RARB: variants seen among roughly 807,000 people sequenced by gnomAD.
RARB encodes the protein retinoic acid receptor beta.
A neutral mutation model predicts 51.9 loss-of-function variants in RARB; 17 were observed. The ratio of observed to expected loss-of-function variants is 0.33; its 90% confidence interval spans 0.22 to 0.49. RARB has a LOEUF of 0.49. Ranked by LOEUF, RARB falls within the 20% of genes least tolerant of loss-of-function variation. The pLI is 0.99. For synonymous variants in RARB, 215 were observed against 195.4 expected (o/e 1.10, Z -0.84); for missense variants, 369 against 550.8 (o/e 0.67, Z 3.30).
intron 5 of RARB, among the ~76,000 whole-genome samples, chr3:25,181,550 G>T (rs990194741): frequency 6.6e-6 from 1 of 152,154 alleles, no homozygotes; most frequent in African/African-American, 2.4e-5. Flanking sequence ...TTAATGTCCT[G>T]CAATGTATGC....
At chr3:25,276,394 A>G (rs938055504) in intron 5 of RARB, among the ~76,000 whole-genome samples, 1 of 152,208 alleles carries the variant, frequency 6.6e-6, no homozygotes, top group Non-Finnish European at 1.5e-5. Flanking sequence ...TTGAAGCATC[A>G]CACGATACTC....
intron 5 of RARB, among the ~76,000 whole-genome samples, chr3:25,400,573 A>G (rs1707237777): frequency 6.6e-6 from 1 of 152,214 alleles, no homozygotes; most frequent in Admixed American, 6.5e-5. Context: ...TTTAAAATAA[A>G]CAAAGAAGAG....
chr3:25,109,171 G>A (rs2125324596), intron 3 of RARB, among the ~76,000 whole-genome samples: 1 of 152,254 alleles, frequency 6.6e-6, no homozygotes, highest in East Asian at 1.9e-4. Flanking sequence ...AAATGGGTAG[G>A]TATAGTTACC....
chr3:25,162,678 T>C lies in RARB; in HGVS notation c.-279-11441T>C, dbSNP rs987691132. ...TTCATATAAATGGAATCGTATAATA[T>C]GTGGCCTTTTATGTCTGGGTTCTTT... On this transcript the variant is annotated intron_variant, in intron 4 of 11. Transcript: ENST00000383772. Among the ~76,000 whole-genome samples the C allele has an allele frequency of 2.6e-5, 4 of 152,246 alleles. No homozygotes were observed. The South Asian group carries it at 8.3e-4, about 32-fold the overall frequency.
chr3:25,255,038 A>C (rs2125403901), intron 5 of RARB, among the ~76,000 whole-genome samples: 1 of 152,256 alleles, frequency 6.6e-6, no homozygotes, highest in East Asian at 1.9e-4. Context: ...TGTCTAAACT[A>C]GGGGCTGCTC....
chr3:25,309,272 C>G (rs1241458089), intron 5 of RARB, among the ~76,000 whole-genome samples: 1 of 149,638 alleles, frequency 6.7e-6, no homozygotes, highest in Non-Finnish European at 1.5e-5. Context: ...TCAACTGAGA[C>G]TACAGGCACC....
At chr3:25,279,460 A>C (rs1326308298) in intron 5 of RARB, among the ~76,000 whole-genome samples, 1 of 152,186 alleles carries the variant, frequency 6.6e-6, no homozygotes, top group Admixed American at 6.6e-5. Context: ...CTAGGAGTTC[A>C]GATGCTTCTA....
chr3:24,890,435 C>T (rs1346451418), intron 2 of RARB, among the ~76,000 whole-genome samples: 5 of 152,148 alleles, frequency 3.3e-5, no homozygotes, highest in East Asian at 1.9e-4. Context: ...ACTTATTTCA[C>T]GAGCGGCACC....
intron 2 of RARB, among the ~76,000 whole-genome samples, chr3:25,035,097 C>T (rs1697958560): frequency 6.6e-6 from 1 of 152,130 alleles, no homozygotes; most frequent in Non-Finnish European, 1.5e-5. Context: ...TAACCCTTAT[C>T]ACATGTCAGG....
chr3:25,326,709 T>C (rs76158621), intron 5 of RARB, among the ~76,000 whole-genome samples: 5,999 of 152,194 alleles, frequency 0.039, 164 homozygotes, highest in Middle Eastern at 0.065. Flanking sequence ...TCCTGAAACA[T>C]TGGTACAATG....
intron 3 of RARB, among the ~76,000 whole-genome samples, chr3:25,545,102 C>T (rs1699565222): frequency 6.6e-6 from 1 of 152,016 alleles, no homozygotes; most frequent in African/African-American, 2.4e-5. Context: ...GCCACCACAC[C>T]CAGCTAATGT....
intron 3 of RARB, among the ~76,000 whole-genome samples, chr3:25,554,808 G>C (rs895850598): frequency 6.6e-6 from 1 of 152,156 alleles, no homozygotes; most frequent in Non-Finnish European, 1.5e-5. Flanking sequence ...TCTTTTTGCT[G>C]ATAGGGAATC....
intron 2 of RARB, among the ~76,000 whole-genome samples, chr3:24,865,584 C>A (rs185393881): frequency 3.3e-5 from 5 of 152,150 alleles, no homozygotes; most frequent in Admixed American, 2.6e-4. Flanking sequence ...CTCACGTAGC[C>A]CTCTTCCACC....
At chr3:25,562,995 ATAATTT>A (rs1700335916) in intron 3 of RARB, among the ~76,000 whole-genome samples, 1 of 152,240 alleles carries the variant, frequency 6.6e-6, no homozygotes, top group South Asian at 2.1e-4. Flanking sequence ...ACTTCTTTGA[ATAATTT>A]TAAGAAGCTG....
At chr3:25,122,920 C>T (rs1342984093) in intron 3 of RARB, among the ~76,000 whole-genome samples, 1 of 152,144 alleles carries the variant, frequency 6.6e-6, no homozygotes, top group Non-Finnish European at 1.5e-5. Context: ...GGAGTTGGCA[C>T]CTTGTCATCT....
intron 5 of RARB, among the ~76,000 whole-genome samples, chr3:25,375,716 C>G (rs1706440883): frequency 6.6e-6 from 1 of 152,124 alleles, no homozygotes; most frequent in African/African-American, 2.4e-5. Context: ...CAGTCTTCTC[C>G]CTATAAATTC....
At chr3:25,393,068 T>G (rs1009365636) in intron 5 of RARB, among the ~76,000 whole-genome samples, 1 of 152,178 alleles carries the variant, frequency 6.6e-6, no homozygotes, top group African/African-American at 2.4e-5. Flanking sequence ...GTCCCTTCTA[T>G]GCCGATTTTG....
At chr3:25,131,843 G>A (rs987386182) in intron 3 of RARB, among the ~76,000 whole-genome samples, 3 of 151,760 alleles carry the variant, frequency 2.0e-5, no homozygotes, top group Non-Finnish European at 2.9e-5. Flanking sequence ...ATACCAAGCT[G>A]AGAAGTTTTT....
intron 2 of RARB, among the ~76,000 whole-genome samples, chr3:25,050,983 ACAT>A (rs1281519783): frequency 6.6e-6 from 1 of 152,148 alleles, no homozygotes; most frequent in African/African-American, 2.4e-5. Flanking sequence ...TAAAAATTTG[ACAT>A]CATTCATTTA....
Sources: allele counts gnomAD v4.1 joint callset (sites outside exome capture counted in the v4.1 genomes callset), GRCh38; gene constraint gnomAD v4.1.1; transcripts MANE v1.5; gene names NCBI Gene and HGNC (gene_info 2026-07-23, HGNC 2026-07-21).